GMDS: variants seen among roughly 807,000 people sequenced by gnomAD.
The protein encoded by GMDS is GDP-mannose 4,6 dehydratase.
In GMDS, 20 loss-of-function variants were observed where a neutral mutation model predicts 49.9. The ratio of observed to expected loss-of-function variants is 0.40; its 90% CI spans 0.28 to 0.58. The LOEUF is 0.58. Among genes scored for constraint, GMDS ranks in the 20% least tolerant of loss-of-function variants. GMDS has a pLI of 0.42. For missense variants in GMDS, 362 were observed against 481.4 expected (o/e 0.75, Z 2.32); for synonymous variants, 177 against 178.6 (o/e 0.99, Z 0.07).
chr6:1,912,905 C>A (rs1171422254), intron 7 of GMDS, among the ~76,000 whole-genome samples: 2 of 152,280 alleles, frequency 1.3e-5, no homozygotes, highest in African/African-American at 4.8e-5. Context: ...GTGTGTACCA[C>A]AAGCCCAAAG....
intron 4 of GMDS, among the ~76,000 whole-genome samples, chr6:2,014,158 T>C (rs544765179): frequency 1.2e-5 from 1 of 85,668 alleles, no homozygotes; most frequent in Non-Finnish European, 2.3e-5. Flanking sequence ...CTAAGGCAAA[T>C]AAAACTGAGG....
At position 2,024,364 on chromosome 6, in the gene GMDS, G is replaced by C. The variant is rs755667568; in HGVS notation, c.346-63398C>G. The stretch of plus-strand genomic sequence containing the variant: ...GCAGCAAGATGGCAGAAATAACAGT[G>C]AGTAAAGAAACTGGTGAACATATGG... On this transcript the variant is annotated intron_variant, in intron 4 of 10. Coordinates refer to ENST00000380815, the MANE Select transcript of GMDS (RefSeq NM_001500.4). Among the ~76,000 whole-genome samples the C allele has an allele frequency of 3.2e-4, 49 of 152,050 alleles. 1 individual carries two copies. The highest frequency in any genetic ancestry group is 7.4e-5 in the Non-Finnish European group (5 of 67,994).
intron 7 of GMDS, among the ~76,000 whole-genome samples, chr6:1,743,103 A>G (rs1767337904): frequency 6.6e-6 from 1 of 152,242 alleles, no homozygotes; most frequent in Non-Finnish European, 1.5e-5. Flanking sequence ...CTAGTCAAAA[A>G]ACAAAGTAAG....
At chr6:1,671,037 C>T (rs901628127) in intron 9 of GMDS, among the ~76,000 whole-genome samples, 3 of 152,160 alleles carry the variant, frequency 2.0e-5, no homozygotes, top group Non-Finnish European at 2.9e-5. Context: ...GCTCCCCTTG[C>T]AGCGACTGTG....
chr6:1,648,251 T>C (rs776410802), intron 9 of GMDS, among the ~76,000 whole-genome samples: 7 of 152,154 alleles, frequency 4.6e-5, no homozygotes, highest in South Asian at 2.1e-4. Context: ...AACAGTGTGG[T>C]TGTTCTGTGT....
At chr6:2,013,043 G>GA (rs1248676629) in intron 4 of GMDS, among the ~76,000 whole-genome samples, 6 of 151,878 alleles carry the variant, frequency 4.0e-5, no homozygotes, top group Non-Finnish European at 5.9e-5. Context: ...GAAAGAGAAA[G>GA]AAAAAAAACT....
At chr6:1,839,395 C>G (rs898670226) in intron 7 of GMDS, among the ~76,000 whole-genome samples, 2 of 152,148 alleles carry the variant, frequency 1.3e-5, no homozygotes, top group Non-Finnish European at 2.9e-5. Context: ...AGCATGATCC[C>G]TAACCTCTGT....
At chr6:2,242,854 T>A (rs1781676421) in intron 1 of GMDS, among the ~76,000 whole-genome samples, 2 of 152,164 alleles carry the variant, frequency 1.3e-5, no homozygotes, top group Non-Finnish European at 2.9e-5. Flanking sequence ...CAGTAAGTTC[T>A]CAGCCAATAT....
intron 1 of GMDS, among the ~76,000 whole-genome samples, chr6:2,234,624 A>T (rs1400470572): frequency 1.3e-5 from 2 of 152,128 alleles, no homozygotes; most frequent in Non-Finnish European, 2.9e-5. Flanking sequence ...AAAATAAAAA[A>T]AATAAAATCC....
In GMDS at chr6:1,766,707, T is replaced by C. The variant is rs1446284698; in HGVS notation, c.772-24121A>G. Among the ~76,000 whole-genome samples, 1 of 152,190 alleles carries C rather than the reference T, an allele frequency of 6.6e-6. No individual in the cohort carries two copies. Among genetic ancestry groups the C allele is most frequent in the East Asian group, 1.9e-4 (1 of 5,192 alleles). On this transcript the variant is annotated intron_variant, in intron 7 of 10. Transcript: ENST00000380815. The surrounding 1 kb of genome is among the most constrained non-coding windows in gnomAD (Gnocchi z 4.5). Reference sequence around the variant, plus strand: ...CCCACAGACGGTTCCCACCTGGGGATGTTGAACCAGTCTCACCAGATCTGC... The same window carrying C: ...CCCACAGACGGTTCCCACCTGGGGACGTTGAACCAGTCTCACCAGATCTGC...
chr6:2,024,879 T>C (rs918958658), intron 4 of GMDS, among the ~76,000 whole-genome samples: 5 of 147,072 alleles, frequency 3.4e-5, no homozygotes, highest in African/African-American at 7.3e-5. Flanking sequence ...GGACAATTAA[T>C]TGAAAATATT....
chr6:1,636,336 CT>C (rs771766816), intron 9 of GMDS, among the ~76,000 whole-genome samples: 2 of 152,206 alleles, frequency 1.3e-5, no homozygotes, highest in African/African-American at 4.8e-5. Context: ...AATGCCCACT[CT>C]GAAGGTCTTG....
intron 9 of GMDS, among the ~76,000 whole-genome samples, chr6:1,716,522 A>C (rs1766180057): frequency 6.6e-6 from 1 of 152,234 alleles, no homozygotes; most frequent in Non-Finnish European, 1.5e-5. Flanking sequence ...GGTACAAATA[A>C]GAGGAGTGGC....
chr6:1,775,377 G>C (rs1024560300), intron 7 of GMDS, among the ~76,000 whole-genome samples: 3 of 152,236 alleles, frequency 2.0e-5, no homozygotes, highest in Non-Finnish European at 4.4e-5. Context: ...GAGTGTCTTA[G>C]AGGAAGGTGC....
Position 1,930,182 on chromosome 6 carries a change from T to C in GMDS, c.692A>G (p.Tyr231Cys). ...ACTGAAACATTCCAGTTGTCCAAGG[T>C]AAATCTTAGCTACTGACCGGCTAAT... ...RKISRSVAKI[Y>C]LGQLECFSLG... The change falls in exon 7 of 11, where the codon TAC becomes TGC. Residue 231 changes from tyrosine (Y) to cysteine (C), a missense_variant. Tyr to Cys is a radical substitution (Grantham distance 194). Coordinates refer to ENST00000380815, the MANE Select transcript of GMDS (RefSeq NM_001500.4). 6.2e-7 allele frequency: 1 copy of C among 1,612,750 alleles called. No homozygotes were observed. Among genetic ancestry groups the C allele is most frequent in the Non-Finnish European group, 8.5e-7 (1 of 1,179,046 alleles).
chr6:2,004,083 A>G (rs1220027010), intron 4 of GMDS, among the ~76,000 whole-genome samples: 1 of 152,258 alleles, frequency 6.6e-6, no homozygotes, highest in Non-Finnish European at 1.5e-5. Context: ...CAAAATAGTC[A>G]GAGATCAATG....
At chr6:1,999,930 ATTATTATAT>A (rs1766568748) in intron 4 of GMDS, among the ~76,000 whole-genome samples, 1 of 82,158 alleles carries the variant, frequency 1.2e-5, no homozygotes, top group African/African-American at 4.4e-5. Flanking sequence ...CATATTATAT[ATTATTATAT>A]ATAATATATA....
chr6:2,212,195 CA>C (rs1251282253), intron 1 of GMDS, among the ~76,000 whole-genome samples: 2 of 152,194 alleles, frequency 1.3e-5, no homozygotes, highest in Non-Finnish European at 2.9e-5. Flanking sequence ...GAGCTTTTAA[CA>C]TATGAATTCA....
At position 2,036,812 on chromosome 6, in the gene GMDS, A is replaced by G. The variant is rs1405585262; in HGVS notation, c.346-75846T>C. ...ACTTCAGAGCCTATGGCATGCTGAT[A>G]TGTACTGTGAAATCTGCATGGTAAG... On this transcript the variant is annotated intron_variant, in intron 4 of 10. Transcript: ENST00000380815. Among the ~76,000 whole-genome samples the G allele has an allele frequency of 2.0e-5, 3 of 152,218 alleles. No homozygotes were observed. The East Asian group carries it at 5.8e-4, about 29-fold the overall frequency.
Sources: gnomAD v4.1 joint callset for allele counts (sites outside exome capture counted in the v4.1 genomes callset) on GRCh38, gnomAD v4.1.1 for gene constraint, Gnocchi (gnomAD v3.1) non-coding constraint, MANE v1.5 for transcripts, NCBI Gene and HGNC (gene_info 2026-07-23, HGNC 2026-07-21) for gene names.